The following RRP1 variants were observed in gnomAD, a reference collection of about 807,000 sequenced individuals.
RRP1 encodes ribosomal RNA processing 1.
RRP1 carries 37 observed loss-of-function variants against 54.6 expected under a neutral mutation model. The observed-to-expected ratio is 0.68, with a 90% CI of 0.52 to 0.89. RRP1 has a LOEUF of 0.89. Among genes scored for constraint, RRP1 ranks in the 40% least tolerant of loss-of-function variants. The pLI is 0.00. For missense variants in RRP1, 639 were observed against 612.5 expected, an observed-to-expected ratio of 1.04 and a Z score of -0.46; for synonymous variants, 262 against 244.3, an observed-to-expected ratio of 1.07 and a Z score of -0.67.
chr21:43,794,976 AG>A (rs1195964393), intron 4 of RRP1, among the ~76,000 whole-genome samples: 10 of 152,258 alleles, frequency 6.6e-5, no homozygotes, highest in African/African-American at 2.4e-4. Flanking sequence ...AGCCGGGGAT[AG>A]GGCATGTTCT....
intron 11 of RRP1, among the ~76,000 whole-genome samples, chr21:43,801,591 A>G (rs1361887149): frequency 6.6e-6 from 1 of 152,328 alleles, no homozygotes; most frequent in Middle Eastern, 3.4e-3. Flanking sequence ...CTCCCGCCTC[A>G]GCCTCCCAGT....
intron 9 of RRP1, 148 bp from the exon 10 acceptor site, chr21:43,800,369 C>T: frequency 1.5e-6 from 1 of 685,876 alleles, no homozygotes; most frequent in South Asian, 1.7e-5. Context: ...GCTGCAGGAC[C>T]CTCAGTGAGG....
In RRP1 at chr21:43,801,071, TG is replaced by T. The variant is rs572330031; in HGVS notation, c.1009+192del. On this transcript the variant is annotated intron_variant, in intron 11 of 12. Transcript: ENST00000497547. ...TCTCGTTTTTGTGGTTTTTGCTGAG[TG>T]GTTCTCAGACTTGAGTGTCCATTGG... Among the ~76,000 whole-genome samples the T allele has an allele frequency of 1.7e-4, 26 of 152,116 alleles. No individual in the cohort carries two copies. In the South Asian group the frequency reaches 4.8e-3, roughly 28 times the overall value.
At position 43,792,734 on chromosome 21, in the gene RRP1, G is replaced by C; in HGVS notation, c.274+5G>C. On this transcript the variant is annotated splice_donor_5th_base_variant and intron_variant, in intron 3 of 12. Transcript: ENST00000497547. ...CTTTTCAGACCACGGAGGCGCGTGAGTATGCTCTGCTGTAGTTGGGTGCAT... is the reference window on the plus strand; with the variant it reads ...CTTTTCAGACCACGGAGGCGCGTGACTATGCTCTGCTGTAGTTGGGTGCAT... The C allele has an allele frequency of 6.2e-7, 1 of 1,614,060 alleles. No individual in the cohort carries two copies. Among genetic ancestry groups the C allele is most frequent in the Non-Finnish European group, 8.5e-7 (1 of 1,179,920 alleles).
intron 10 of RRP1, 47 bp downstream of exon 10, chr21:43,800,661 C>T: frequency 1.3e-6 from 2 of 1,589,034 alleles, no homozygotes; most frequent in Non-Finnish European, 1.7e-6. Flanking sequence ...CTTGGAGTTG[C>T]CCTTTCTTGC....
At chr21:43,794,682 T>C (rs1245392757) in intron 4 of RRP1, among the ~76,000 whole-genome samples, 1 of 152,166 alleles carries the variant, frequency 6.6e-6, no homozygotes, top group Non-Finnish European at 1.5e-5. Flanking sequence ...CATTGTTGAT[T>C]CACGGGTGAG....
At chr21:43,792,616 A>T (rs569791018) in intron 2 of RRP1, 56 bp from the exon 3 acceptor site, 1 of 1,573,266 alleles carries the variant, frequency 6.4e-7, no homozygotes, top group African/African-American at 1.4e-5. Context: ...CGTGTGTGTC[A>T]TTGTGAGAGC....
chr21:43,802,248 C>T lies in RRP1; in HGVS notation c.1010-26C>T, dbSNP rs750341895. 9 of 1,566,174 alleles carry T rather than the reference C, an allele frequency of 5.7e-6. No individual in the cohort carries two copies. The Admixed American group carries it at 1.5e-4, about 26-fold the overall frequency. On this transcript the variant is annotated intron_variant, in intron 11 of 12. Transcript: ENST00000497547. ...CCATAAGTCCCCAGCCCCCGAGAGC[C>T]CCCTGACTTCTGCCCTGGTTCTCAG...
Position 43,803,499 on chromosome 21 carries a change from G to T in RRP1, c.1124-13G>T. The T allele has an allele frequency of 6.5e-7, 1 of 1,540,438 alleles. No homozygotes were observed. The highest frequency in any genetic ancestry group is 1.4e-5 in the African/African-American group (1 of 73,246). On this transcript the variant is annotated splice_polypyrimidine_tract_variant and intron_variant, in intron 12 of 12. Coordinates refer to ENST00000497547, the MANE Select transcript of RRP1 (RefSeq NM_003683.6). ...GGCATTCTCTGGCTCATGGGGTCTTGCTGTTTTGTCAGGGAAAGGTGAGAA... is the reference window on the plus strand; with the variant it reads ...GGCATTCTCTGGCTCATGGGGTCTTTCTGTTTTGTCAGGGAAAGGTGAGAA...
chr21:43,800,855 C>G lies in RRP1; in HGVS notation c.990-7C>G, dbSNP rs1348777112. 6.2e-7 allele frequency: 1 copy of G among 1,613,682 alleles called. No individual in the cohort carries two copies. Among genetic ancestry groups the G allele is most frequent in the East Asian group, 2.2e-5 (1 of 44,874 alleles). On this transcript the variant is annotated splice_region_variant and splice_polypyrimidine_tract_variant and intron_variant, in intron 10 of 12. Coordinates refer to ENST00000497547, the MANE Select transcript of RRP1 (RefSeq NM_003683.6). ...GTGGTAAGTGGGTATCTGTCTTACT[C>G]TTTCAGGCTGCAGGACCTGGCAGGA...
intron 2 of RRP1, 86 bp downstream of exon 2, chr21:43,791,518 T>C: frequency 3.8e-6 from 5 of 1,306,452 alleles, no homozygotes; most frequent in Non-Finnish European, 3.3e-6. Context: ...TCTTTTTTTT[T>C]TAAGTCGGAG....
At chr21:43,794,820 G>A (rs1403268300) in intron 4 of RRP1, among the ~76,000 whole-genome samples, 1 of 152,240 alleles carries the variant, frequency 6.6e-6, no homozygotes, top group Non-Finnish European at 1.5e-5. Flanking sequence ...TCCACCGCCC[G>A]TGGGGGTAGC....
At chr21:43,798,137 C>A in intron 8 of RRP1, 37 bp downstream of exon 8, 1 of 1,537,588 alleles carries the variant, frequency 6.5e-7, no homozygotes, top group African/African-American at 1.4e-5. Flanking sequence ...TCCTCGGGGC[C>A]TGTCCTGGGC....
chr21:43,791,480 T>C (rs747548665), intron 2 of RRP1, 48 bp downstream of exon 2: 10 of 1,544,892 alleles, frequency 6.5e-6, no homozygotes, highest in Non-Finnish European at 8.0e-6. Context: ...CGGGGGAGGA[T>C]GGATGGGCAT....
chr21:43,800,994 G>A lies in RRP1; in HGVS notation c.1009+113G>A, dbSNP rs943073452. ...AGCACGTGGAGTCTCTTTGCAGAGAGGCCTGGTGGTGTTTCTGAGGGACAG... is the reference window on the plus strand; with the variant it reads ...AGCACGTGGAGTCTCTTTGCAGAGAAGCCTGGTGGTGTTTCTGAGGGACAG... On this transcript the variant is annotated intron_variant, in intron 11 of 12. Transcript: ENST00000497547. 43 of 1,163,116 alleles carry A rather than the reference G, an allele frequency of 3.7e-5. No individual in the cohort carries two copies. The African/African-American group carries it at 5.7e-4, about 16-fold the overall frequency. The allele number at this position is 1,163,116 out of a possible 1,614,324, so 72.0% of individuals were successfully genotyped here.
chr21:43,792,951 T>A (rs555827521), intron 3 of RRP1: 1 of 586,626 alleles, frequency 1.7e-6, no homozygotes. Flanking sequence ...ATTTCGAGCC[T>A]AATGGGCTAA....
intron 9 of RRP1, among the ~76,000 whole-genome samples, 194 bp downstream of exon 9, chr21:43,799,843 GAGTGGGGCTGGGGCCTGGGAA>G (rs1184956767): frequency 6.6e-6 from 1 of 152,134 alleles, no homozygotes; most frequent in Non-Finnish European, 1.5e-5. Context: ...GGATCATTGA[GAGTGGGGCTGGGGCCTGGGAA>G]AGTGGGGCTG....
At chr21:43,789,950 G>A (rs1379908628) in intron 1 of RRP1, among the ~76,000 whole-genome samples, 188 bp downstream of exon 1, 1 of 130,024 alleles carries the variant, frequency 7.7e-6, no homozygotes, top group Non-Finnish European at 1.6e-5. Context: ...GCTTTCCCTC[G>A]TGGTGCGGTG....
chr21:43,800,431 G>C, intron 9 of RRP1, 86 bp from the exon 10 acceptor site: 1 of 1,248,448 alleles, frequency 8.0e-7, no homozygotes, highest in South Asian at 1.2e-5. Context: ...GGGACCAAGT[G>C]CTATCTGGGT....
Sources: gnomAD v4.1 joint callset for allele counts (sites outside exome capture counted in the v4.1 genomes callset) on GRCh38, gnomAD v4.1.1 for gene constraint, MANE v1.5 for transcripts, NCBI Gene and HGNC (gene_info 2026-07-23, HGNC 2026-07-21) for gene names.